The following FYB2 variants were observed in gnomAD, a reference collection of about 807,000 sequenced individuals.
FYB2 encodes the protein FYN binding protein 2, also known as FYN-binding protein 2.
Under a neutral mutation model 94.1 loss-of-function variants are expected in FYB2, and 103 were observed. That is an observed-to-expected ratio of 1.09 (90% confidence interval 0.93 to 1.29). The LOEUF (loss-of-function observed/expected upper bound fraction) is 1.29. Ranked by LOEUF, FYB2 falls within the 50% of genes most tolerant of loss-of-function variation. FYB2 has a pLI of 0.00. For synonymous variants in FYB2, 293 were observed against 287.9 expected (o/e 1.02, Z -0.18); for missense variants, 896 against 841.5 (o/e 1.06, Z -0.80).
rs1039358683 is a variant in FYB2 at position 56,723,618 on chromosome 1, T to C, written c.1944A>G (p.Arg648=). 1 of 1,564,556 alleles carries C rather than the reference T, an allele frequency of 6.4e-7. No homozygotes were observed. Among genetic ancestry groups the C allele is most frequent in the Admixed American group, 1.7e-5 (1 of 58,114 alleles). Reference sequence around the variant, plus strand: ...ACCTTTCTCTAAATAGTTTTTCTTCTCTTTTCATTCTGTTCTTTTCTAAGT... The same window carrying C: ...ACCTTTCTCTAAATAGTTTTTCTTCCCTTTTCATTCTGTTCTTTTCTAAGT... ...KQNLEKNRMK[R]EEKLFRERFK... is the part of the protein sequence containing the mutation. Residue 648 remains arginine, a synonymous_variant, in exon 17 of 20, where the codon AGA becomes AGG. Coordinates refer to ENST00000343433, the MANE Select transcript of FYB2 (RefSeq NM_001004303.5).
chr1:56,825,311 G>A, the FYB2 span, among the ~76,000 whole-genome samples: 1,251 of 152,268 alleles, frequency 8.2e-3, 23 homozygotes, highest in African/African-American at 0.029. Context: ...TGTGGAAGAG[G>A]AGGAGGGAGT....
At chr1:56,780,801 C>CA (rs1645990991) in intron 4 of FYB2, among the ~76,000 whole-genome samples, 1 of 152,016 alleles carries the variant, frequency 6.6e-6, no homozygotes, top group South Asian at 2.1e-4. Flanking sequence ...AAAAACAGGC[C>CA]AATCAGTGGC....
chr1:56,791,989 G>C, intron 2 of FYB2, 67 bp downstream of exon 2: 1 of 1,509,770 alleles, frequency 6.6e-7, no homozygotes, highest in Non-Finnish European at 8.8e-7. Context: ...TGAATCAACA[G>C]GTTTTCAAGT....
At chr1:56,820,913 G>A (rs1646983458), upstream of FYB2, among the ~76,000 whole-genome samples, 3 of 152,070 alleles carry the variant, frequency 2.0e-5, no homozygotes, top group Non-Finnish European at 4.4e-5. Flanking sequence ...ATTCTGTTCT[G>A]AGCCATGACA....
In FYB2 at chr1:56,792,506, A is replaced by T; in HGVS notation, c.307T>A (p.Cys103Ser). 1 of 1,614,200 alleles carries T rather than the reference A, an allele frequency of 6.2e-7. No individual in the cohort carries two copies. The highest frequency in any genetic ancestry group is 1.1e-5 in the South Asian group (1 of 91,082). ...GCCTTCTGTGAACTTGTTGCAGAAC[A>T]TACAGTAGACTTTCCCAGAGGCCCT... The part of the protein sequence containing the change: ...SPGPLGKSTV[C>S]SATSSQKASL... The change falls in exon 2 of 20, where the codon TGT (cysteine) becomes AGT (serine). Residue 103 changes from cysteine (C) to serine (S), a missense_variant. Transcript: ENST00000343433.
intron 15 of FYB2, among the ~76,000 whole-genome samples, chr1:56,727,545 A>G (rs112765717): frequency 0.03 from 4,503 of 152,280 alleles, 112 homozygotes; most frequent in South Asian, 0.069. Flanking sequence ...ATATTTGAAT[A>G]AAAAAGTTAC....
chr1:56,790,578 A>T (rs1046521987), intron 2 of FYB2, among the ~76,000 whole-genome samples: 2 of 151,956 alleles, frequency 1.3e-5, no homozygotes, highest in Non-Finnish European at 2.9e-5. Context: ...CTTCTTCCTC[A>T]TCCCTTCATC....
chr1:56,796,812 G>A (rs1646411307), intron 1 of FYB2, among the ~76,000 whole-genome samples: 1 of 152,088 alleles, frequency 6.6e-6, no homozygotes, highest in East Asian at 1.9e-4. Context: ...TGCCTGCAAT[G>A]CTCATCTTTC....
chr1:56,746,266 T>C (rs903945042), intron 9 of FYB2, among the ~76,000 whole-genome samples: 1 of 152,042 alleles, frequency 6.6e-6, no homozygotes, highest in African/African-American at 2.4e-5. Flanking sequence ...TTTCGAATGA[T>C]TTGAATGCAT....
intron 9 of FYB2, among the ~76,000 whole-genome samples, chr1:56,749,730 T>A (rs547057492): frequency 6.6e-6 from 1 of 151,962 alleles, no homozygotes; most frequent in Non-Finnish European, 1.5e-5. Flanking sequence ...GACTATCAAT[T>A]GTTAACATGT....
At chr1:56,766,682 C>T (rs1331900062) in intron 5 of FYB2, among the ~76,000 whole-genome samples, 1 of 152,142 alleles carries the variant, frequency 6.6e-6, no homozygotes, top group East Asian at 1.9e-4. Flanking sequence ...CGTGATCCGC[C>T]CATCTCGGCC....
intron 1 of FYB2, among the ~76,000 whole-genome samples, chr1:56,816,741 T>C (rs966672207): frequency 5.3e-5 from 8 of 152,192 alleles, no homozygotes; most frequent in African/African-American, 1.9e-4. Context: ...CCTAAACATA[T>C]TACGTCTAAA....
At chr1:56,801,254 G>T (rs545109204) in intron 1 of FYB2, among the ~76,000 whole-genome samples, 14 of 152,122 alleles carry the variant, frequency 9.2e-5, no homozygotes, top group African/African-American at 3.4e-4. Flanking sequence ...CTATTCCTGG[G>T]TCAGGAAGTG....
chr1:56,742,727 T>A (rs1644983574), intron 11 of FYB2, among the ~76,000 whole-genome samples: 1 of 152,066 alleles, frequency 6.6e-6, no homozygotes, highest in African/African-American at 2.4e-5. Context: ...ATTTTGAATA[T>A]CAGGGTCAGG....
intron 5 of FYB2, among the ~76,000 whole-genome samples, 153 bp from the exon 6 acceptor site, chr1:56,758,903 A>G (rs1645422095): frequency 6.6e-6 from 1 of 152,178 alleles, no homozygotes; most frequent in East Asian, 1.9e-4. Context: ...AAAGTTTGGG[A>G]AATTATGGGG....
chr1:56,801,090 C>T (rs1465820524), intron 1 of FYB2, among the ~76,000 whole-genome samples: 2 of 152,094 alleles, frequency 1.3e-5, no homozygotes, highest in African/African-American at 2.4e-5. Context: ...CTTCCCTGAC[C>T]ACCCTAACCC....
upstream of FYB2, among the ~76,000 whole-genome samples, chr1:56,823,287 G>C (rs531734154): frequency 3.3e-5 from 5 of 152,186 alleles, no homozygotes; most frequent in East Asian, 9.7e-4. Flanking sequence ...AAGGGGTTGA[G>C]GGAGTGGACC....
intron 1 of FYB2, among the ~76,000 whole-genome samples, chr1:56,814,264 A>C (rs1646831317): frequency 6.6e-6 from 1 of 152,206 alleles, no homozygotes; most frequent in South Asian, 2.1e-4. Flanking sequence ...CGGCTTTATC[A>C]TCCAGGCCAC....
At chr1:56,726,620 CT>C (rs1429883173) in intron 15 of FYB2, 37 bp from the exon 16 acceptor site, 3 of 1,534,312 alleles carry the variant, frequency 2.0e-6, no homozygotes, top group Non-Finnish European at 2.7e-6. Context: ...TAAATTAAGA[CT>C]GAATTATATA....
Sources: allele counts gnomAD v4.1 joint callset (sites outside exome capture counted in the v4.1 genomes callset), GRCh38; gene constraint gnomAD v4.1.1; transcripts MANE v1.5; gene names NCBI Gene and HGNC (gene_info 2026-07-23, HGNC 2026-07-21).